NEDD9: variants seen among roughly 807,000 people sequenced by gnomAD.
The protein encoded by NEDD9 is enhancer of filamentation 1.
NEDD9 carries 26 observed loss-of-function variants against 76.6 expected under a neutral mutation model. The ratio of observed to expected loss-of-function variants is 0.34; its 90% CI spans 0.25 to 0.47. The LOEUF (loss-of-function observed/expected upper bound fraction) is 0.47, where lower values mean the gene tolerates loss of function less well. Ranked by LOEUF, NEDD9 falls within the 20% of genes least tolerant of loss-of-function variation. The pLI is 1.00. For synonymous variants in NEDD9, 392 were observed against 414.2 expected, an observed-to-expected ratio of 0.95 and a Z score of 0.65; for missense variants, 937 against 1,058.5, an observed-to-expected ratio of 0.89 and a Z score of 1.59.
intron 1 of NEDD9, among the ~76,000 whole-genome samples, chr6:11,355,933 G>C (rs1360076123): frequency 1.3e-5 from 2 of 152,134 alleles, no homozygotes; most frequent in African/African-American, 4.8e-5. Flanking sequence ...GTGTTAGCCA[G>C]GATGGTCTCG....
intron 3 of NEDD9, among the ~76,000 whole-genome samples, chr6:11,287,973 T>G (rs2327394): frequency 1.3e-5 from 2 of 152,066 alleles, no homozygotes; most frequent in African/African-American, 2.4e-5. Context: ...CTGTCTATGG[T>G]GGGGTCCCGG....
intron 5 of NEDD9, among the ~76,000 whole-genome samples, chr6:11,189,696 G>A (rs1758080034): frequency 6.6e-6 from 1 of 151,984 alleles, no homozygotes; most frequent in Admixed American, 6.6e-5. Context: ...CATTCATTTT[G>A]CAAATGAGGA....
intron 2 of NEDD9, among the ~76,000 whole-genome samples, chr6:11,210,693 C>T (rs2113754837): frequency 7.1e-6 from 1 of 140,670 alleles, no homozygotes; most frequent in Middle Eastern, 3.6e-3. Flanking sequence ...CTCCTAGCAG[C>T]TAAGCCATCT....
At chr6:11,208,621 C>T (rs886793898) in intron 2 of NEDD9, among the ~76,000 whole-genome samples, 1 of 152,232 alleles carries the variant, frequency 6.6e-6, no homozygotes, top group Non-Finnish European at 1.5e-5. Context: ...CAGCCTACAG[C>T]AGTCAGGAGG....
rs533968741 is a variant in NEDD9 at position 11,252,135 on chromosome 6, T to C, written c.13-38408A>G. Among the ~76,000 whole-genome samples, 4 of 152,330 alleles carry C rather than the reference T, an allele frequency of 2.6e-5. No individual in the cohort carries two copies. In the South Asian group the frequency reaches 6.2e-4, roughly 24 times the overall value. ...GTGTTAATATCTTCTAGCTGGGCGC[T>C]GTAGTGCTCTCTCAGCCAGATCTTC... On this transcript the variant is annotated intron_variant, in intron 3 of 3. Coordinates refer to the NEDD9 transcript ENST00000397378. The surrounding 1 kb of genome is among the most constrained non-coding windows in gnomAD (Gnocchi z 4.3).
chr6:11,291,092 G>A (rs1760751085), intron 3 of NEDD9, among the ~76,000 whole-genome samples: 1 of 151,898 alleles, frequency 6.6e-6, no homozygotes, highest in East Asian at 1.9e-4. Flanking sequence ...AGCTGTCCAG[G>A]AGAGTCCCTG....
At chr6:11,237,547 T>C (rs770032152), upstream of NEDD9, among the ~76,000 whole-genome samples, 88 of 152,242 alleles carry the variant, frequency 5.8e-4, 1 homozygote, top group Admixed American at 1.2e-3. This position sits in a 1 kb window ranked among gnomAD's most constrained non-coding sequence, Gnocchi z 4.9. Context: ...CAAGAATAGC[T>C]TTTACATTTT....
intron 1 of NEDD9, among the ~76,000 whole-genome samples, chr6:11,339,111 C>A (rs911538145): frequency 2.0e-5 from 3 of 152,112 alleles, no homozygotes; most frequent in Admixed American, 6.5e-5. Flanking sequence ...TTCCCTCCCC[C>A]AGAGGCATCC....
intron 1 of NEDD9, among the ~76,000 whole-genome samples, chr6:11,344,576 T>G (rs949030547): frequency 6.6e-6 from 1 of 152,232 alleles, no homozygotes; most frequent in African/African-American, 2.4e-5. Context: ...GTGACCTCAA[T>G]GCCACCTCCT....
intron 3 of NEDD9, among the ~76,000 whole-genome samples, chr6:11,296,519 C>T (rs915841956): frequency 1.3e-5 from 2 of 152,200 alleles, no homozygotes; most frequent in Non-Finnish European, 2.9e-5. Flanking sequence ...GCATTTACTA[C>T]AAACCTGAGG....
chr6:11,357,683 A>T (rs1046892028), intron 1 of NEDD9, among the ~76,000 whole-genome samples: 1 of 152,244 alleles, frequency 6.6e-6, no homozygotes, highest in Non-Finnish European at 1.5e-5. Flanking sequence ...TTCGGTGCTG[A>T]TCATGCAGAC....
chr6:11,299,013 G>A (rs1447723557), intron 3 of NEDD9, among the ~76,000 whole-genome samples: 1 of 152,188 alleles, frequency 6.6e-6, no homozygotes, highest in Non-Finnish European at 1.5e-5. Context: ...GCCCATGGAG[G>A]GTGAGCTGAA....
intron 1 of NEDD9, among the ~76,000 whole-genome samples, chr6:11,353,170 T>A (rs1762502203): frequency 6.6e-6 from 1 of 152,270 alleles, no homozygotes; most frequent in Non-Finnish European, 1.5e-5. Context: ...TCTGTCCCTG[T>A]TTTTCTCTTT....
chr6:11,322,074 G>A (rs1761820574), intron 2 of NEDD9, among the ~76,000 whole-genome samples: 1 of 152,048 alleles, frequency 6.6e-6, no homozygotes, highest in African/African-American at 2.4e-5. Context: ...ATTAACCCAG[G>A]AACAGAAAAC....
intron 1 of NEDD9, among the ~76,000 whole-genome samples, chr6:11,374,585 T>C (rs1311205983): frequency 1.3e-5 from 2 of 152,238 alleles, no homozygotes; most frequent in Admixed American, 1.3e-4. Flanking sequence ...TGGACACTAC[T>C]ATTTGATAAC....
At chr6:11,318,375 A>G (rs993217231) in intron 2 of NEDD9, among the ~76,000 whole-genome samples, 1 of 152,186 alleles carries the variant, frequency 6.6e-6, no homozygotes, top group African/African-American at 2.4e-5. Context: ...GAGGGGTGAG[A>G]GGAAGGTGTG....
chr6:11,306,220 C>T, intron 2 of NEDD9: 1 of 595,796 alleles, frequency 1.7e-6, no homozygotes, highest in East Asian at 2.8e-5. Flanking sequence ...TGCTTTTCAT[C>T]ATTTAAGGGT....
intron 3 of NEDD9, 129 bp from the exon 4 acceptor site, chr6:11,192,575 A>G: frequency 1.7e-6 from 1 of 603,862 alleles, no homozygotes. Flanking sequence ...GCAGTGCTCC[A>G]TGTTATAACA....
Position 11,299,389 on chromosome 6 carries a change from G to A in NEDD9, c.12+6603C>T, listed in dbSNP as rs548076534. Among the ~76,000 whole-genome samples the A allele has an allele frequency of 5.3e-5, 8 of 152,356 alleles. No individual in the cohort carries two copies. The South Asian group carries it at 1.4e-3, about 28-fold the overall frequency. ...GCAGAGCCCACCACAGCTCAGTAAG[G>A]CCTACTACTTCTACAGATTCCACCT... On this transcript the variant is annotated intron_variant, in intron 3 of 3. Transcript: ENST00000397378.
Sources: gnomAD v4.1 joint callset for allele counts (sites outside exome capture counted in the v4.1 genomes callset) on GRCh38, gnomAD v4.1.1 for gene constraint, Gnocchi (gnomAD v3.1) non-coding constraint, MANE v1.5 for transcripts, NCBI Gene and HGNC (gene_info 2026-07-23, HGNC 2026-07-21) for gene names.